Variants in DST observed in about 807,000 individuals in gnomAD.
DST encodes the protein bullous pemphigoid antigen.
In DST, 253 loss-of-function variants were observed where a neutral mutation model predicts 875.2. The observed-to-expected ratio is 0.29, with a 90% CI of 0.26 to 0.32. DST has a LOEUF of 0.32. DST is among the 10% of genes least tolerant of loss of function. The pLI is 1.00. For synonymous variants in DST, 3,124 were observed against 3,197.1 expected, an observed-to-expected ratio of 0.98 and a Z score of 0.77; for missense variants, 8,287 against 9,111.6, an observed-to-expected ratio of 0.91 and a Z score of 3.68.
chr6:56,506,697 A>G lies in DST; in HGVS notation c.19332T>C (p.Asp6444=), dbSNP rs371657329. 24 of 1,613,552 alleles carry G rather than the reference A, an allele frequency of 1.5e-5. No individual in the cohort carries two copies. In the Admixed American group the frequency reaches 2.7e-4, roughly 18 times the overall value. Residue 6444 remains aspartate, a synonymous_variant, in exon 76 of 104, where the codon GAT becomes GAC. Coordinates refer to ENST00000680361, the MANE Select transcript of DST (RefSeq NM_001374736.1). ...SELIAACGEP[D]KPIVKKSIDE... The stretch of plus-strand genomic sequence containing the variant: ...CTATACTCTTCTTGACAATGGGTTT[A>G]TCAGGCTCCCCACATGCCGCAATGA...
At chr6:56,828,908 G>A (rs931186280) in intron 4 of DST, among the ~76,000 whole-genome samples, 1 of 152,044 alleles carries the variant, frequency 6.6e-6, no homozygotes, top group African/African-American at 2.4e-5. Flanking sequence ...AATAAGAGAA[G>A]GGAAAAACAA....
Position 56,552,298 on chromosome 6 carries a change from G to C in DST, c.16494C>G (p.Tyr5498Ter). 6.2e-7 allele frequency: 1 copy of C among 1,613,992 alleles called. No homozygotes were observed. Residue 5498 changes from tyrosine (Y) to a stop codon, truncating the protein, a stop_gained, in exon 61 of 104, where the codon TAC (tyrosine) becomes TAG (stop). Transcript: ENST00000680361. LOFTEE classifies it high-confidence loss of function. ...GAATAGAAAATTCTTTCAATTTGCT[G>C]TAAAATTCTTCAAGGCGCTTAATTG... is the stretch of plus-strand genomic sequence containing the variant. ...EGTIKRLEEFYSKLKEFSILL... is the reference protein window; with the variant it reads ...EGTIKRLEEF
In DST at chr6:56,734,133, C is replaced by T. The variant is rs371201796; in HGVS notation, c.687+1095G>A. 3.9e-5 allele frequency among the ~76,000 whole-genome samples: 6 copies of T among 152,294 alleles called. No individual in the cohort carries two copies. The East Asian group carries it at 1.2e-3, about 29-fold the overall frequency. On this transcript the variant is annotated intron_variant, in intron 5 of 103. Coordinates refer to ENST00000680361, the MANE Select transcript of DST (RefSeq NM_001374736.1). ...AGGACAGATGAACTGCCGCATGCTG[C>T]GTCAGAATTCACAATATATTTCCTC...
chr6:56,778,359 T>C (rs898123607), intron 4 of DST, among the ~76,000 whole-genome samples: 4 of 151,832 alleles, frequency 2.6e-5, no homozygotes, highest in Admixed American at 1.3e-4. Context: ...TTCTCTTTTT[T>C]TTTTTTTTTT....
intron 2 of DST, chr6:56,945,740 G>A (rs923257405): frequency 1.8e-4 from 28 of 152,034 alleles, no homozygotes; most frequent in Admixed American, 1.8e-3. Context: ...GTGCTTGGTT[G>A]GGCAGCACAT....
At chr6:56,702,406 T>C (rs1302452886) in intron 7 of DST, among the ~76,000 whole-genome samples, 18 of 148,896 alleles carry the variant, frequency 1.2e-4, no homozygotes, top group African/African-American at 4.7e-4. Context: ...CACACACATA[T>C]ATATATACAT....
intron 2 of DST, among the ~76,000 whole-genome samples, chr6:56,938,240 C>G (rs1056049236): frequency 1.3e-5 from 2 of 151,886 alleles, no homozygotes; most frequent in South Asian, 2.1e-4. Flanking sequence ...CTCAAGTGAT[C>G]CTCCTTATCT....
intron 1 of DST, 54 bp downstream of exon 1, chr6:56,954,353 A>T (rs1824149486): frequency 7.7e-7 from 1 of 1,292,980 alleles, no homozygotes. Flanking sequence ...TCACTCTCCA[A>T]ATCGGCTTAA....
At chr6:56,573,574 T>A in intron 51 of DST, 105 bp downstream of exon 51, 1 of 813,790 alleles carries the variant, frequency 1.2e-6, no homozygotes, top group South Asian at 1.8e-5. Context: ...AGTAAATGTC[T>A]CTTTTTTGTG....
In DST at chr6:56,838,927, T is replaced by C. The variant is rs192547401; in HGVS notation, c.625+12470A>G. ...ATATATTGTGTGATGATTGTTAATA[T>C]GTATCCAAATTTTAAGTTCCCAATT... is the stretch of plus-strand genomic sequence containing the variant. On this transcript the variant is annotated intron_variant, in intron 4 of 103. Transcript: ENST00000680361. Among the ~76,000 whole-genome samples, 820 of 152,388 alleles carry C rather than the reference T, an allele frequency of 5.4e-3. 5 individuals are homozygous for C. The highest frequency in any genetic ancestry group is 9.0e-3 in the Admixed American group (138 of 15,310).
At chr6:56,485,222 G>T in intron 88 of DST, 90 bp downstream of exon 88, 2 of 1,436,964 alleles carry the variant, frequency 1.4e-6, no homozygotes, top group Non-Finnish European at 1.9e-6. Context: ...ATAGTCTTCT[G>T]ATTTTAAAAG....
intron 80 of DST, among the ~76,000 whole-genome samples, chr6:56,500,456 A>G (rs2096081139): frequency 6.6e-6 from 1 of 152,132 alleles, no homozygotes; most frequent in Non-Finnish European, 1.5e-5. Context: ...GCTTTAAATC[A>G]AGTGCAGGAC....
chr6:56,596,902 A>G (rs1410210554), intron 47 of DST, among the ~76,000 whole-genome samples: 1 of 152,226 alleles, frequency 6.6e-6, no homozygotes, highest in Non-Finnish European at 1.5e-5. Flanking sequence ...TCTTCTCAAC[A>G]ATAGCCTTAA....
chr6:56,774,036 C>CCCAGGAGGTGGGTTGAACT (rs1474587090), intron 4 of DST, among the ~76,000 whole-genome samples: 2 of 148,960 alleles, frequency 1.3e-5, no homozygotes, highest in African/African-American at 5.1e-5. Context: ...ATCGCTTGAA[C>CCCAGGAGGTGGGTTGAACT]CCAGGAGGTG....
chr6:56,472,360 T>C (rs1562213350), intron 93 of DST, 138 bp from the exon 94 acceptor site: 1 of 735,470 alleles, frequency 1.4e-6, no homozygotes, highest in Non-Finnish European at 2.2e-6. Context: ...CTAATTTAGA[T>C]GATGTATAAT....
chr6:56,576,442 G>T (rs1262362019), intron 50 of DST, among the ~76,000 whole-genome samples: 3 of 152,126 alleles, frequency 2.0e-5, no homozygotes, highest in African/African-American at 7.2e-5. Flanking sequence ...CTGAAGTGGG[G>T]GGCAGCATTA....
At position 56,607,074 on chromosome 6, in the gene DST, T is replaced by C. The variant is rs2098504834; in HGVS notation, c.7554A>G (p.Gln2518=). 1.2e-6 allele frequency: 2 copies of C among 1,613,140 alleles called. No individual in the cohort carries two copies. Among genetic ancestry groups the C allele is most frequent in the Admixed American group, 3.3e-5 (2 of 59,886 alleles). ...KSLNMISSNP[Q]VQYHNDKYIS... Reference sequence around the variant, plus strand: ...TGTATTTATCATTGTGATATTGTACTTGAGGATTACTAGAAATCATATTTA... The same window carrying C: ...TGTATTTATCATTGTGATATTGTACCTGAGGATTACTAGAAATCATATTTA... The change falls in exon 40 of 104, where the codon CAA becomes CAG. Residue 2518 remains glutamine, a synonymous_variant. Coordinates refer to ENST00000680361, the MANE Select transcript of DST (RefSeq NM_001374736.1).
intron 4 of DST, among the ~76,000 whole-genome samples, chr6:56,745,619 T>C (rs1242723491): frequency 5.9e-5 from 9 of 152,098 alleles, no homozygotes; most frequent in Non-Finnish European, 1.3e-4. Context: ...ACTATCAAAT[T>C]TGACAAACCA....
chr6:56,645,737 T>C (rs1193204109), intron 15 of DST, 129 bp downstream of exon 15: 2 of 1,087,912 alleles, frequency 1.8e-6, no homozygotes, highest in African/African-American at 3.2e-5. Flanking sequence ...GGTAAGAAAA[T>C]GGAGGATCAA....
Sources: gnomAD v4.1 joint callset for allele counts (sites outside exome capture counted in the v4.1 genomes callset) on GRCh38, gnomAD v4.1.1 for gene constraint, MANE v1.5 for transcripts, NCBI Gene and HGNC (gene_info 2026-07-23, HGNC 2026-07-21) for gene names.